SCARB2: variants seen among roughly 807,000 people sequenced by gnomAD.
The protein encoded by SCARB2 is scavenger receptor class B member 2.
A neutral mutation model predicts 58.6 loss-of-function variants in SCARB2; 29 were observed. That is an observed-to-expected ratio of 0.49 (90% CI 0.37 to 0.67). The LOEUF (loss-of-function observed/expected upper bound fraction) is 0.67, where lower values mean the gene tolerates loss of function less well. Ranked by LOEUF, SCARB2 falls within the 30% of genes least tolerant of loss-of-function variation. The pLI, the probability that SCARB2 is intolerant of heterozygous loss-of-function variation, is 0.00. For missense variants in SCARB2, 488 were observed against 578.5 expected (o/e 0.84, Z 1.60); for synonymous variants, 195 against 210.1 (o/e 0.93, Z 0.62).
At chr4:76,181,731 ATTGTT>A (rs1379986810) in intron 2 of SCARB2, among the ~76,000 whole-genome samples, 1 of 151,930 alleles carries the variant, frequency 6.6e-6, no homozygotes, top group Non-Finnish European at 1.5e-5. Context: ...CACCCAGCTA[ATTGTT>A]TTATTTTTTT....
rs12506229 is a variant in SCARB2, at chr4:76,229,685, A to T, written c.-358+4618T>A. On this transcript the variant is annotated intron_variant, in intron 1 of 11. Coordinates refer to the SCARB2 transcript ENST00000638295. Reference sequence around the variant, plus strand: ...AGAAATACCTGATTCCTGTGATGTGATCCATCTTCAGGTTTCCCAGCTGTG... The same window carrying T: ...AGAAATACCTGATTCCTGTGATGTGTTCCATCTTCAGGTTTCCCAGCTGTG... 3.3e-3 allele frequency among the ~76,000 whole-genome samples: 501 copies of T among 152,196 alleles called. 8 individuals carry two copies. Among genetic ancestry groups the T allele is most frequent in the African/African-American group, 0.012 (486 of 41,526 alleles).
intron 9 of SCARB2, among the ~76,000 whole-genome samples, chr4:76,167,477 G>A (rs1732032122): frequency 6.6e-6 from 1 of 151,898 alleles, no homozygotes; most frequent in South Asian, 2.1e-4. Flanking sequence ...TCTCTCTCTT[G>A]CTCCTGCTCA....
At chr4:76,231,878 C>T (rs1733499612) in intron 1 of SCARB2, among the ~76,000 whole-genome samples, 1 of 152,196 alleles carries the variant, frequency 6.6e-6, no homozygotes, top group African/African-American at 2.4e-5. Flanking sequence ...GCCAGTTTCC[C>T]CACTGGGATT....
rs899259619 is a variant in SCARB2 at position 76,161,194 on chromosome 4, A to G, written c.*519T>C. On this transcript the variant is annotated 3_prime_UTR_variant, in exon 12 of 12. Coordinates refer to ENST00000264896, the MANE Select transcript of SCARB2 (RefSeq NM_005506.4). ...AGCATAAAATGTAATATGTTTTAGA[A>G]ATCAGATGCATTTGAATGATATATT... The G allele has an allele frequency of 7.4e-5, 12 of 162,130 alleles. No individual in the cohort carries two copies. Among genetic ancestry groups the G allele is most frequent in the African/African-American group, 2.9e-4 (12 of 41,506 alleles). The allele number at this position is 162,130 out of a possible 1,614,324, so 10.0% of individuals were successfully genotyped here.
Position 76,195,817 on chromosome 4 carries a change from C to G in SCARB2, c.165G>C (p.Lys55Asn), listed in dbSNP as rs759580694. Residue 55 changes from lysine to asparagine, a missense_variant, in exon 2 of 12, where the codon AAG becomes AAC. Transcript: ENST00000264896. ...ACTGAGTATACACAGGCAGAGGGGGCTTCTCCCAGGAGTCAAATGCCTCAG... is the reference window on the plus strand; with the variant it reads ...ACTGAGTATACACAGGCAGAGGGGGGTTCTCCCAGGAGTCAAATGCCTCAG... ...NGTEAFDSWE[K>N]PPLPVYTQFY... 1 of 1,613,754 alleles carries G rather than the reference C, an allele frequency of 6.2e-7. No homozygotes were observed. The highest frequency in any genetic ancestry group is 8.5e-7 in the Non-Finnish European group (1 of 1,179,678).
intron 2 of SCARB2, chr4:76,194,210 C>G (rs370842797): frequency 1.3e-5 from 2 of 152,268 alleles, no homozygotes; most frequent in Non-Finnish European, 2.9e-5. Context: ...GTACAGCCTG[C>G]AGAACCATGA....
At chr4:76,198,436 G>A (rs535009488) in intron 1 of SCARB2, among the ~76,000 whole-genome samples, 54 of 152,220 alleles carry the variant, frequency 3.5e-4, no homozygotes, top group Admixed American at 9.2e-4. Flanking sequence ...TCTGACATGC[G>A]TAAACAGTGT....
chr4:76,170,653 G>GACT (rs1732109162), intron 7 of SCARB2, among the ~76,000 whole-genome samples: 1 of 152,048 alleles, frequency 6.6e-6, no homozygotes, highest in African/African-American at 2.4e-5. Context: ...AAGTAGCTGG[G>GACT]ACTACAGGCA....
At chr4:76,171,243 A>C (rs1732123698) in intron 7 of SCARB2, among the ~76,000 whole-genome samples, 1 of 152,134 alleles carries the variant, frequency 6.6e-6, no homozygotes, top group Admixed American at 6.5e-5. Flanking sequence ...GACCTTGAAA[A>C]TGTATTTTTT....
At chr4:76,166,587 A>C in intron 9 of SCARB2, 1 of 505,460 alleles carries the variant, frequency 2.0e-6, no homozygotes, top group East Asian at 3.6e-5. Context: ...TCCAGTCGAC[A>C]GAACAAAACT....
intron 1 of SCARB2, among the ~76,000 whole-genome samples, chr4:76,233,929 G>T (rs1046751204): frequency 5.3e-5 from 8 of 152,338 alleles, no homozygotes; most frequent in Non-Finnish European, 7.3e-5. Context: ...TACTGATGGG[G>T]TGAAGAAGAG....
chr4:76,195,998 TG>T, intron 1 of SCARB2, 134 bp from the exon 2 acceptor site: 1 of 630,542 alleles, frequency 1.6e-6, no homozygotes, highest in Non-Finnish European at 2.8e-6. Context: ...GGCATTCAAC[TG>T]CAGTCTCCTG....
At chr4:76,173,753 C>G in intron 7 of SCARB2, 1 of 271,994 alleles carries the variant, frequency 3.7e-6, no homozygotes, top group Non-Finnish European at 7.1e-6. Flanking sequence ...TAAACATGAG[C>G]TATTATTACT....
intron 1 of SCARB2, among the ~76,000 whole-genome samples, chr4:76,211,147 G>C (rs1733037532): frequency 6.6e-6 from 1 of 152,170 alleles, no homozygotes; most frequent in Admixed American, 6.5e-5. Context: ...CAGGTTTTGT[G>C]GGTCCTGAAG....
rs763228944 is a variant in SCARB2, at chr4:76,179,568, A to G, written c.561T>C (p.Leu187=). Residue 187 remains leucine, a synonymous_variant, in exon 4 of 12, where the codon CTT becomes CTC. Coordinates refer to ENST00000264896, the MANE Select transcript of SCARB2 (RefSeq NM_005506.4). ...AGATATCGGGCCTGAAAACATGGAT[A>G]AGGGACAAGATTTCATCTTTGTAGC... ...LWGYKDEILS[L]IHVFRPDISP... The G allele has an allele frequency of 6.2e-7, 1 of 1,614,196 alleles. No homozygotes were observed. The highest frequency in any genetic ancestry group is 1.7e-5 in the Admixed American group (1 of 60,030).
rs548996531 is a variant in SCARB2 at position 76,213,357 on chromosome 4, G to A, written c.117+70C>T. On this transcript the variant is annotated intron_variant, in intron 1 of 11. Transcript: ENST00000264896. ...CTGAGTGCTGGTCTTTCCCATACAA[G>A]ATGTAGCAGCAGGGATGGGAGGGTG... The A allele has an allele frequency of 6.7e-6, 7 of 1,048,984 alleles. No individual in the cohort carries two copies. In the South Asian group the frequency reaches 7.9e-5, roughly 12 times the overall value. 65.0% of individuals were successfully genotyped at this position (1,048,984 alleles called of 1,614,324 possible).
rs369557905 is a variant in SCARB2 at position 76,163,392 on chromosome 4, G to A, written c.1240-9C>T. ...TTATCAATGTGAACACTCTGGAGAG[G>A]CAAGAAAATAGTATTCTTGATGACT... is the stretch of plus-strand genomic sequence containing the variant. On this transcript the variant is annotated splice_polypyrimidine_tract_variant and intron_variant, in intron 10 of 11. Coordinates refer to ENST00000264896, the MANE Select transcript of SCARB2 (RefSeq NM_005506.4). The A allele has an allele frequency of 1.7e-5, 28 of 1,613,936 alleles. No homozygotes were observed. Among genetic ancestry groups the A allele is most frequent in the Non-Finnish European group, 1.8e-5 (21 of 1,179,986 alleles).
At chr4:76,179,814 TG>T in intron 3 of SCARB2, 109 bp from the exon 4 acceptor site, 1 of 877,890 alleles carries the variant, frequency 1.1e-6, no homozygotes, top group South Asian at 1.3e-5. Flanking sequence ...ATGTAAAGGT[TG>T]AGATTAAATA....
At chr4:76,169,669 A>G in intron 8 of SCARB2, among the ~76,000 whole-genome samples, 198 bp downstream of exon 8, 1 of 152,214 alleles carries the variant, frequency 6.6e-6, no homozygotes, top group East Asian at 1.9e-4. Flanking sequence ...TATTTCTGCT[A>G]TTCAATCCAC....
Sources: gnomAD v4.1 joint callset for allele counts (sites outside exome capture counted in the v4.1 genomes callset) on GRCh38, gnomAD v4.1.1 for gene constraint, MANE v1.5 for transcripts, NCBI Gene and HGNC (gene_info 2026-07-23, HGNC 2026-07-21) for gene names.